The following MORN1 variants were observed in gnomAD, a reference collection of about 807,000 sequenced individuals.
The protein encoded by MORN1 is MORN repeat containing 1, also known as MORN repeat-containing protein 1.
In MORN1, 67 loss-of-function variants were observed where a neutral mutation model predicts 61.9. The ratio of observed to expected loss-of-function variants is 1.08; its 90% CI spans 0.89 to 1.33. The LOEUF (loss-of-function observed/expected upper bound fraction) is 1.33, where lower values mean the gene tolerates loss of function less well. MORN1 is among the 40% of genes most tolerant of loss of function. The pLI, the probability that MORN1 is intolerant of heterozygous loss-of-function variation, is 0.00. For synonymous variants in MORN1, 301 were observed against 292.0 expected, an observed-to-expected ratio of 1.03 and a Z score of -0.31; for missense variants, 752 against 691.2, an observed-to-expected ratio of 1.09 and a Z score of -0.99.
In MORN1 at chr1:2,357,126, C is replaced by G. The variant is rs1472834285; in HGVS notation, c.1036+306G>C. 6.6e-6 allele frequency among the ~76,000 whole-genome samples: 1 copy of G among 152,144 alleles called. No individual in the cohort carries two copies. The highest frequency in any genetic ancestry group is 2.4e-5 in the African/African-American group (1 of 41,444). ...CCAGGCTGGCCACTGGCCTCGAGGC[C>G]TGGGTGAGTCTGCTGCCCTCAGCCA... On this transcript the variant is annotated intron_variant, in intron 10 of 13. Transcript: ENST00000378531. The surrounding 1 kb of genome is among the most constrained non-coding windows in gnomAD (Gnocchi z 6.3).
rs1641291660 is a variant in MORN1, at chr1:2,336,867, A to G, written c.1037-17T>C. 2 of 1,545,942 alleles carry G rather than the reference A, an allele frequency of 1.3e-6. No individual in the cohort carries two copies. Among genetic ancestry groups the G allele is most frequent in the Non-Finnish European group, 1.7e-6 (2 of 1,148,960 alleles). On this transcript the variant is annotated splice_polypyrimidine_tract_variant and intron_variant, in intron 10 of 13. Coordinates refer to ENST00000378531, the MANE Select transcript of MORN1 (RefSeq NM_024848.3). ...GTCCCCTGGCTGAGGAGACAGAATGAAGAAAGACCCTATGAGGGGCTCAGG... is the reference window on the plus strand; with the variant it reads ...GTCCCCTGGCTGAGGAGACAGAATGGAGAAAGACCCTATGAGGGGCTCAGG...
intron 12 of MORN1, among the ~76,000 whole-genome samples, chr1:2,330,937 A>C (rs1641134678): frequency 6.6e-6 from 1 of 152,132 alleles, no homozygotes; most frequent in South Asian, 2.1e-4. Context: ...ACATAATCTC[A>C]CATCTTTTCA....
intron 12 of MORN1, among the ~76,000 whole-genome samples, chr1:2,333,702 C>T (rs1363317220): frequency 6.6e-6 from 1 of 152,204 alleles, no homozygotes; most frequent in Middle Eastern, 3.2e-3. Context: ...CTGTCGGAAG[C>T]GGCAGCCCCA....
chr1:2,379,791 C>A (rs1642329608), intron 6 of MORN1, among the ~76,000 whole-genome samples: 1 of 152,124 alleles, frequency 6.6e-6, no homozygotes, highest in Non-Finnish European at 1.5e-5. Flanking sequence ...GCACTGTGGG[C>A]AGGAAGGTAA....
chr1:2,334,109 A>G lies in MORN1; in HGVS notation c.1250+2360T>C, dbSNP rs368181380. Among the ~76,000 whole-genome samples, 34 of 151,742 alleles carry G rather than the reference A, an allele frequency of 2.2e-4. No homozygotes were observed. Among genetic ancestry groups the G allele is most frequent in the African/African-American group, 8.2e-4 (34 of 41,326 alleles). ...GCAGGGTCCCCCACTCTTTCCTAAGAGGGGGCCATCACACAAACACCCAGA... is the reference window on the plus strand; with the variant it reads ...GCAGGGTCCCCCACTCTTTCCTAAGGGGGGGCCATCACACAAACACCCAGA... On this transcript the variant is annotated intron_variant, in intron 12 of 13. Transcript: ENST00000378531. The surrounding 1 kb of genome is among the most constrained non-coding windows in gnomAD (Gnocchi z 5.4).
Position 2,389,961 on chromosome 1 carries a change from G to C in MORN1, c.112C>G (p.Arg38Gly), listed in dbSNP as rs751694265. Residue 38 changes from arginine to glycine, a missense_variant, in exon 2 of 14, where the codon CGA becomes GGA. By Grantham distance (125) the Arg-to-Gly change is moderately radical. Coordinates refer to ENST00000378531, the MANE Select transcript of MORN1 (RefSeq NM_024848.3). ...CCTGCTTTCCATTCTCCTTCATATC[G>C]AAAGAAGGAATTTGGGTATACGTAG... is the stretch of plus-strand genomic sequence containing the variant. Reference protein sequence around the residue: ...GVYVYPNSFFRYEGEWKAGRK... With the variant: ...GVYVYPNSFFGYEGEWKAGRK... The C allele has an allele frequency of 3.7e-6, 6 of 1,613,940 alleles. No homozygotes were observed. Among genetic ancestry groups the C allele is most frequent in the South Asian group, 1.1e-5 (1 of 91,086 alleles).
chr1:2,364,484 C>T (rs12026746), intron 8 of MORN1, among the ~76,000 whole-genome samples: 12,240 of 123,524 alleles, frequency 0.099, 896 homozygotes, highest in East Asian at 0.3. Context: ...GAGTAGGTTG[C>T]AAAAATTTTC....
At chr1:2,385,713 T>C (rs2100370832) in intron 5 of MORN1, 94 bp downstream of exon 5, 1 of 1,162,318 alleles carries the variant, frequency 8.6e-7, no homozygotes, top group African/African-American at 1.5e-5. Context: ...GGGTGTCCCA[T>C]GGCAGTCCTG....
rs1221498719 is a variant in MORN1 at position 2,343,389 on chromosome 1, A to G, written c.1037-6539T>C. On this transcript the variant is annotated intron_variant, in intron 10 of 13. Coordinates refer to ENST00000378531, the MANE Select transcript of MORN1 (RefSeq NM_024848.3). ...GTGACAGAGCCGCCGGGCCCTGGGG[A>G]TGACGCTGCGGGGCACCAGCCCTGC... Among the ~76,000 whole-genome samples, 3 of 152,116 alleles carry G rather than the reference A, an allele frequency of 2.0e-5. 1 individual carries two copies.
At chr1:2,321,702 G>T in intron 13 of MORN1, 123 bp from the exon 14 acceptor site, 1 of 1,284,602 alleles carries the variant, frequency 7.8e-7, no homozygotes, top group Non-Finnish European at 1.0e-6. Context: ...GGTCATCTCT[G>T]CCTGGGTTCT....
intron 12 of MORN1, among the ~76,000 whole-genome samples, chr1:2,333,244 C>T (rs1391180076): frequency 3.9e-5 from 6 of 152,232 alleles, no homozygotes; most frequent in Non-Finnish European, 1.5e-5. Context: ...TGGGCTGGCC[C>T]CGCTGCAACA....
Position 2,374,093 on chromosome 1 carries a change from G to A in MORN1, c.634+368C>T, listed in dbSNP as rs565126371. ...ACCATGGGGAGAGGGAGGGTGGCTC[G>A]GGAGGCAGCCCCCAGAGGAGGCCCA... On this transcript the variant is annotated intron_variant, in intron 7 of 13. Coordinates refer to ENST00000378531, the MANE Select transcript of MORN1 (RefSeq NM_024848.3). Among the ~76,000 whole-genome samples, 10 of 152,282 alleles carry A rather than the reference G, an allele frequency of 6.6e-5. No homozygotes were observed. In the East Asian group the frequency reaches 1.7e-3, roughly 27 times the overall value.
In MORN1 at chr1:2,357,381, C is replaced by G; in HGVS notation, c.1036+51G>C. ...CCCCATGACCCCACCCCCACCTTGA[C>G]TGCTGGGCCTGGGCCCACCCACCCC... On this transcript the variant is annotated intron_variant, in intron 10 of 13. Coordinates refer to ENST00000378531, the MANE Select transcript of MORN1 (RefSeq NM_024848.3). This position sits in a 1 kb window ranked among gnomAD's most constrained non-coding sequence, Gnocchi z 6.3. 1 of 1,528,750 alleles carries G rather than the reference C, an allele frequency of 6.5e-7. No homozygotes were observed. The highest frequency in any genetic ancestry group is 8.8e-7 in the Non-Finnish European group (1 of 1,133,714). 94.7% of individuals were successfully genotyped at this position (1,528,750 alleles called of 1,614,324 possible).
At chr1:2,345,169 T>C (rs1641486610) in intron 10 of MORN1, among the ~76,000 whole-genome samples, 1 of 152,250 alleles carries the variant, frequency 6.6e-6, no homozygotes. Context: ...TGTGCTCACC[T>C]GCGCTCATGG....
intron 12 of MORN1, among the ~76,000 whole-genome samples, chr1:2,330,012 C>T (rs1433219817): frequency 6.6e-6 from 1 of 152,184 alleles, no homozygotes; most frequent in East Asian, 1.9e-4. Flanking sequence ...GGGACCCTGG[C>T]CTGTGCCCAT....
chr1:2,388,387 C>A, intron 2 of MORN1, 50 bp from the exon 3 acceptor site: 1 of 1,446,658 alleles, frequency 6.9e-7, no homozygotes, highest in Non-Finnish European at 9.7e-7. Context: ...GGGTTGACTG[C>A]GAATGACACT....
intron 12 of MORN1, among the ~76,000 whole-genome samples, chr1:2,329,875 C>A (rs1641110978): frequency 6.6e-6 from 1 of 152,226 alleles, no homozygotes; most frequent in Non-Finnish European, 1.5e-5. Flanking sequence ...CGTGAGCAGG[C>A]CAGGCTCAGG....
chr1:2,389,227 C>T (rs372776702), intron 2 of MORN1, among the ~76,000 whole-genome samples: 1 of 152,202 alleles, frequency 6.6e-6, no homozygotes, highest in South Asian at 2.1e-4. Context: ...CGGCACTTGC[C>T]TGGGGTTGGT....
rs1340994696 is a variant in MORN1 at position 2,387,482 on chromosome 1, C to T, written c.295G>A (p.Gly99Ser). Reference sequence around the variant, plus strand: ...CCGCCGGCTTTGTACTCCATGACGCCGTAGCCTTGAGGCTCTCCCAGAACA... The same window carrying T: ...CCGCCGGCTTTGTACTCCATGACGCTGTAGCCTTGAGGCTCTCCCAGAACA... ...QFVLGEPQGY[G>S]VMEYKAGGCY... Residue 99 changes from glycine to serine, a missense_variant, in exon 4 of 14, where the codon GGC becomes AGC. Transcript: ENST00000378531. The T allele has an allele frequency of 8.1e-6, 13 of 1,613,418 alleles. No homozygotes were observed. The highest frequency in any genetic ancestry group is 2.2e-5 in the East Asian group (1 of 44,876).
Sources: gnomAD v4.1 joint callset for allele counts (sites outside exome capture counted in the v4.1 genomes callset) on GRCh38, gnomAD v4.1.1 for gene constraint, Gnocchi (gnomAD v3.1) non-coding constraint, MANE v1.5 for transcripts, NCBI Gene and HGNC (gene_info 2026-07-23, HGNC 2026-07-21) for gene names.